Variants in TMCO5A observed in about 807,000 individuals in gnomAD.
The protein encoded by TMCO5A is transmembrane and coiled-coil domain-containing protein 5A.
TMCO5A carries 34 observed loss-of-function variants against 42.3 expected under a neutral mutation model. The ratio of observed to expected loss-of-function variants is 0.80; its 90% CI spans 0.61 to 1.07. The LOEUF (loss-of-function observed/expected upper bound fraction) is 1.07. TMCO5A is among the 50% of genes least tolerant of loss of function. TMCO5A has a pLI of 0.00. For missense variants in TMCO5A, 357 were observed against 327.9 expected, an observed-to-expected ratio of 1.09 and a Z score of -0.69; for synonymous variants, 131 against 115.6, an observed-to-expected ratio of 1.13 and a Z score of -0.86.
the TMCO5A span, among the ~76,000 whole-genome samples, chr15:38,008,365 T>C: frequency 6.6e-6 from 1 of 152,124 alleles, no homozygotes; most frequent in African/African-American, 2.4e-5. Context: ...AGTGTGGTTG[T>C]CAATATTTTA....
intron 10 of TMCO5A, among the ~76,000 whole-genome samples, chr15:37,947,142 G>A (rs1889993856): frequency 6.6e-6 from 1 of 152,094 alleles, no homozygotes; most frequent in Non-Finnish European, 1.5e-5. Flanking sequence ...CTGTTTATGT[G>A]ATGGATTATA....
chr15:38,018,495 T>C, the TMCO5A span, among the ~76,000 whole-genome samples: 5 of 151,860 alleles, frequency 3.3e-5, no homozygotes, highest in Admixed American at 6.6e-5. Flanking sequence ...GGCAAAATAG[T>C]AGAATGAAAA....
the TMCO5A span, among the ~76,000 whole-genome samples, chr15:37,977,111 T>C: frequency 1.9e-4 from 29 of 152,304 alleles, no homozygotes; most frequent in Admixed American, 1.7e-3. Flanking sequence ...TTTTATCTCC[T>C]CTATCATTTT....
At chr15:38,001,571 G>T in the TMCO5A span, among the ~76,000 whole-genome samples, 21,142 of 150,612 alleles carry the variant, frequency 0.14, 2,749 homozygotes, top group African/African-American at 0.34. Context: ...TGATTGTTTT[G>T]TGGTCTTCTC....
chr15:37,971,717 C>T (rs960882273), downstream of TMCO5A, among the ~76,000 whole-genome samples: 5 of 152,268 alleles, frequency 3.3e-5, no homozygotes, highest in East Asian at 9.7e-4. Context: ...TCTCTCTCAA[C>T]TTCAAAGTTC....
At chr15:38,008,956 A>G in the TMCO5A span, among the ~76,000 whole-genome samples, 1 of 152,184 alleles carries the variant, frequency 6.6e-6, no homozygotes, top group Non-Finnish European at 1.5e-5. Flanking sequence ...TGATACCATT[A>G]CTTTCCTAAA....
At chr15:37,980,427 C>T in the TMCO5A span, among the ~76,000 whole-genome samples, 347 of 152,248 alleles carry the variant, frequency 2.3e-3, 2 homozygotes, top group African/African-American at 8.0e-3. Context: ...CAGTGGGGAG[C>T]CTCTCCCGGC....
the TMCO5A span, among the ~76,000 whole-genome samples, chr15:37,993,748 A>G: frequency 6.6e-6 from 1 of 152,132 alleles, no homozygotes; most frequent in African/African-American, 2.4e-5. Flanking sequence ...GCAATCATGG[A>G]TCAGATCATA....
intron 10 of TMCO5A, 122 bp from the exon 11 acceptor site, chr15:37,947,534 A>G: frequency 7.4e-6 from 5 of 674,300 alleles, no homozygotes; most frequent in South Asian, 3.6e-5. Context: ...GTGCTTATGC[A>G]TATAAAAAGA....
chr15:38,018,441 C>G, the TMCO5A span, among the ~76,000 whole-genome samples: 1 of 151,938 alleles, frequency 6.6e-6, no homozygotes, highest in Non-Finnish European at 1.5e-5. Flanking sequence ...CAAGTGCACT[C>G]TAGAAATTAA....
At chr15:38,001,696 G>A in the TMCO5A span, among the ~76,000 whole-genome samples, 5 of 151,836 alleles carry the variant, frequency 3.3e-5, no homozygotes, top group Admixed American at 2.6e-4. Context: ...AGGTTACCAT[G>A]AAGCTTATAA....
the TMCO5A span, among the ~76,000 whole-genome samples, chr15:37,991,707 T>C: frequency 6.6e-6 from 1 of 152,096 alleles, no homozygotes; most frequent in Non-Finnish European, 1.5e-5. Context: ...TCAATAATTT[T>C]TTTATTTCAT....
chr15:37,938,031 A>G, intron 5 of TMCO5A, 127 bp from the exon 6 acceptor site: 1 of 779,724 alleles, frequency 1.3e-6, no homozygotes, highest in Non-Finnish European at 2.1e-6. Flanking sequence ...CAGGTCACCA[A>G]ATATCTACCA....
downstream of TMCO5A, among the ~76,000 whole-genome samples, chr15:37,956,148 G>T (rs1890284405): frequency 6.6e-6 from 1 of 152,144 alleles, no homozygotes; most frequent in Non-Finnish European, 1.5e-5. Context: ...AAGGAGGAAA[G>T]ATCTAAAATC....
chr15:37,972,483 G>C (rs1304989183), downstream of TMCO5A, among the ~76,000 whole-genome samples: 1 of 152,128 alleles, frequency 6.6e-6, no homozygotes, highest in Non-Finnish European at 1.5e-5. Flanking sequence ...CATTCTGAGT[G>C]GTGTGAGATG....
At chr15:37,993,502 C>G in the TMCO5A span, 1 of 152,014 alleles carries the variant, frequency 6.6e-6, no homozygotes, top group African/African-American at 2.4e-5. Context: ...CACATTAACT[C>G]TCTGAATTTC....
At chr15:37,981,812 C>T in the TMCO5A span, among the ~76,000 whole-genome samples, 1 of 152,208 alleles carries the variant, frequency 6.6e-6, no homozygotes, top group Non-Finnish European at 1.5e-5. Flanking sequence ...TGTTGGCTGG[C>T]TGGCTTGCTT....
chr15:37,955,255 T>TAAAAAAAA (rs55989832), downstream of TMCO5A, among the ~76,000 whole-genome samples: 1 of 106,268 alleles, frequency 9.4e-6, no homozygotes, highest in African/African-American at 3.6e-5. Context: ...ATTTAAAGAG[T>TAAAAAAAA]AAAAAAAAAA....
At chr15:37,957,828 T>C (rs1890328572) in intron 11 of TMCO5A, among the ~76,000 whole-genome samples, 1 of 152,172 alleles carries the variant, frequency 6.6e-6, no homozygotes, top group Non-Finnish European at 1.5e-5. Flanking sequence ...TTGTACTACC[T>C]GACTTCAAAC....
Sources: allele counts gnomAD v4.1 joint callset (sites outside exome capture counted in the v4.1 genomes callset), GRCh38; gene constraint gnomAD v4.1.1; transcripts MANE v1.5; gene names NCBI Gene and HGNC (gene_info 2026-07-23, HGNC 2026-07-21).